The following DCLK1 variants were observed in gnomAD, a reference collection of about 807,000 sequenced individuals.
DCLK1 encodes the protein doublecortin like kinase 1, also known as serine/threonine-protein kinase DCLK1.
A neutral mutation model predicts 86.2 loss-of-function variants in DCLK1; 16 were observed. The ratio of observed to expected loss-of-function variants is 0.19; its 90% CI spans 0.13 to 0.28. The LOEUF (loss-of-function observed/expected upper bound fraction) is 0.28. DCLK1 is among the 10% of genes least tolerant of loss of function. DCLK1 has a pLI of 1.00. For synonymous variants in DCLK1, 369 were observed against 370.5 expected, an observed-to-expected ratio of 1.00 and a Z score of 0.05; for missense variants, 590 against 940.2, an observed-to-expected ratio of 0.63 and a Z score of 4.87.
At chr13:35,778,939 A>T (rs2086474720) in intron 16 of DCLK1, among the ~76,000 whole-genome samples, 1 of 152,194 alleles carries the variant, frequency 6.6e-6, no homozygotes, top group Admixed American at 6.5e-5. Flanking sequence ...AATCATTCTC[A>T]CATCTACCTC....
intron 11 of DCLK1, among the ~76,000 whole-genome samples, chr13:35,815,546 A>G: frequency 6.6e-6 from 1 of 152,218 alleles, no homozygotes; most frequent in East Asian, 1.9e-4. Context: ...ATTTCACCAA[A>G]TAGAATTGAA....
chr13:36,123,931 C>A (rs1225506257), intron 2 of DCLK1, among the ~76,000 whole-genome samples: 1 of 152,178 alleles, frequency 6.6e-6, no homozygotes, highest in East Asian at 1.9e-4. Flanking sequence ...TACCACCTCC[C>A]AGACCCTCTC....
chr13:36,074,255 C>T (rs1884085224), intron 3 of DCLK1, among the ~76,000 whole-genome samples: 1 of 151,926 alleles, frequency 6.6e-6, no homozygotes, highest in African/African-American at 2.4e-5. Flanking sequence ...GTAATCCCAG[C>T]ACTTTGGGAG....
At chr13:35,948,472 G>A (rs983950498) in intron 3 of DCLK1, among the ~76,000 whole-genome samples, 1 of 152,264 alleles carries the variant, frequency 6.6e-6, no homozygotes, top group Non-Finnish European at 1.5e-5. Context: ...GCTCCTCTCT[G>A]ACTTGTCTGC....
intron 3 of DCLK1, among the ~76,000 whole-genome samples, chr13:36,019,865 T>C (rs370066132): frequency 6.6e-6 from 1 of 152,122 alleles, no homozygotes; most frequent in Non-Finnish European, 1.5e-5. Context: ...GGTTTATATA[T>C]GGTTTGTTTA....
intron 3 of DCLK1, among the ~76,000 whole-genome samples, chr13:36,096,931 G>A (rs1482200616): frequency 1.3e-5 from 2 of 152,142 alleles, no homozygotes; most frequent in Admixed American, 1.3e-4. Context: ...AATGCCGTAT[G>A]TGCAAAGAGT....
intron 3 of DCLK1, among the ~76,000 whole-genome samples, chr13:35,969,964 C>T (rs559763248): frequency 1.3e-5 from 2 of 152,208 alleles, no homozygotes; most frequent in East Asian, 3.9e-4. Flanking sequence ...TGATTCCTCA[C>T]CAAGATATCT....
In DCLK1 at chr13:35,831,959, C is replaced by T. The variant is rs548961699; in HGVS notation, c.1230-3652G>A. Among the ~76,000 whole-genome samples, 8 of 152,166 alleles carry T rather than the reference C, an allele frequency of 5.3e-5. No homozygotes were observed. The South Asian group carries it at 1.7e-3, about 32-fold the overall frequency. On this transcript the variant is annotated intron_variant, in intron 8 of 16. Transcript: ENST00000360631. ...CCAACTCAGGCCAGTCTTCTGCCCA[C>T]TGCACCCCTCACCCAGGGAGTGTAG...
chr13:35,954,167 C>G (rs1187474947), intron 3 of DCLK1, among the ~76,000 whole-genome samples: 1 of 151,896 alleles, frequency 6.6e-6, no homozygotes, highest in Non-Finnish European at 1.5e-5. Context: ...CTGTAGCTAA[C>G]AGTTTAATGA....
intron 4 of DCLK1, among the ~76,000 whole-genome samples, chr13:35,918,892 G>GTTTGTTTTTTTTTTTTT (rs1875602530): frequency 1.3e-5 from 1 of 76,310 alleles, no homozygotes; most frequent in African/African-American, 4.4e-5. Flanking sequence ...TTCTGAGTGT[G>GTTTGTTTTTTTTTTTTT]TTTTTTTTTT....
chr13:35,814,618 A>G (rs968724343), intron 11 of DCLK1, among the ~76,000 whole-genome samples: 1 of 152,234 alleles, frequency 6.6e-6, no homozygotes, highest in African/African-American at 2.4e-5. Context: ...GTGGGAGTAC[A>G]TTAATTGTCA....
chr13:35,809,214 C>T, intron 12 of DCLK1, 119 bp from the exon 13 acceptor site: 2 of 660,462 alleles, frequency 3.0e-6, no homozygotes, highest in Non-Finnish European at 4.8e-6. Flanking sequence ...AATAACAATC[C>T]CAACAACAAA....
At chr13:35,962,085 A>G (rs1281899038) in intron 3 of DCLK1, among the ~76,000 whole-genome samples, 3 of 152,224 alleles carry the variant, frequency 2.0e-5, no homozygotes, top group African/African-American at 7.2e-5. Flanking sequence ...AAGTGTCTAT[A>G]TGAAACTCTA....
intron 4 of DCLK1, 82 bp from the exon 5 acceptor site, chr13:35,871,422 G>A: frequency 8.6e-7 from 1 of 1,157,620 alleles, no homozygotes; most frequent in African/African-American, 1.5e-5. Context: ...AAACCTGGAA[G>A]TAGAAATATA....
intron 15 of DCLK1, among the ~76,000 whole-genome samples, chr13:35,799,956 A>G (rs2086886647): frequency 6.6e-6 from 1 of 152,220 alleles, no homozygotes; most frequent in South Asian, 2.1e-4. Context: ...GGGTAAGGAA[A>G]CATAGTTGGG....
At chr13:35,895,557 T>C (rs1231357839) in intron 4 of DCLK1, among the ~76,000 whole-genome samples, 1 of 152,170 alleles carries the variant, frequency 6.6e-6, no homozygotes, top group African/African-American at 2.4e-5. Context: ...ACTGAGTAAA[T>C]TGTCTTCTGT....
At chr13:36,118,496 G>C (rs1885870914) in intron 2 of DCLK1, among the ~76,000 whole-genome samples, 1 of 152,028 alleles carries the variant, frequency 6.6e-6, no homozygotes, top group Admixed American at 6.6e-5. Context: ...AATTAGAAGG[G>C]GAACAGGTTT....
chr13:36,045,332 G>GTATATATATATATA (rs1174545505), intron 3 of DCLK1, among the ~76,000 whole-genome samples: 1 of 55,772 alleles, frequency 1.8e-5, no homozygotes, highest in Non-Finnish European at 3.2e-5. Context: ...GTGTGTGTGT[G>GTATATATATATATA]TATATATATA....
intron 4 of DCLK1, among the ~76,000 whole-genome samples, chr13:35,930,538 T>G (rs1412341183): frequency 2.0e-5 from 3 of 152,144 alleles, no homozygotes; most frequent in African/African-American, 7.2e-5. Flanking sequence ...GAGAGGAGGT[T>G]GCAGTGAGCT....
Sources: allele counts gnomAD v4.1 joint callset (sites outside exome capture counted in the v4.1 genomes callset), GRCh38; gene constraint gnomAD v4.1.1; transcripts MANE v1.5; gene names NCBI Gene and HGNC (gene_info 2026-07-23, HGNC 2026-07-21).